EDN1: variants seen among roughly 807,000 people sequenced by gnomAD.
EDN1 encodes the protein endothelin 1, also known as endothelin-1.
A neutral mutation model predicts 21.7 loss-of-function variants in EDN1; 11 were observed. The observed-to-expected ratio is 0.51, with a 90% CI of 0.32 to 0.84. EDN1 has a LOEUF of 0.84. Among genes scored for constraint, EDN1 ranks in the 40% least tolerant of loss-of-function variants. EDN1 has a pLI of 0.03. For missense variants in EDN1, 244 were observed against 262.3 expected (o/e 0.93, Z 0.48); for synonymous variants, 85 against 90.6 (o/e 0.94, Z 0.35).
chr6:12,242,488 T>C, the EDN1 span, among the ~76,000 whole-genome samples: 1 of 151,784 alleles, frequency 6.6e-6, no homozygotes, highest in Non-Finnish European at 1.5e-5. Flanking sequence ...TGTGCCTCAG[T>C]CATTTCCTCT....
the EDN1 span, among the ~76,000 whole-genome samples, chr6:12,263,247 A>G: frequency 6.6e-6 from 1 of 152,248 alleles, no homozygotes; most frequent in South Asian, 2.1e-4. Context: ...CCAGATTTCT[A>G]GGTAGCTGCA....
At chr6:12,270,019 A>G in the EDN1 span, among the ~76,000 whole-genome samples, 1 of 151,928 alleles carries the variant, frequency 6.6e-6, no homozygotes, top group African/African-American at 2.4e-5. Flanking sequence ...CTGTTTCTTC[A>G]TAATTCAATT....
chr6:12,289,050 A>C (rs1355122183), upstream of EDN1, among the ~76,000 whole-genome samples: 1 of 152,172 alleles, frequency 6.6e-6, no homozygotes, highest in Non-Finnish European at 1.5e-5. Context: ...GGACTAGCGG[A>C]AAAAGCCAAT....
the EDN1 span, among the ~76,000 whole-genome samples, chr6:12,276,303 G>C: frequency 6.6e-6 from 1 of 152,108 alleles, no homozygotes; most frequent in African/African-American, 2.4e-5. Context: ...GAAAGAGAAA[G>C]GAACGATGTG....
upstream of EDN1, among the ~76,000 whole-genome samples, chr6:12,289,457 A>C (rs1178395577): frequency 1.3e-5 from 2 of 151,998 alleles, no homozygotes; most frequent in Non-Finnish European, 2.9e-5. Flanking sequence ...TTTTTCTGCC[A>C]TTTAGAAGGG....
chr6:12,290,761 T>A, intron 1 of EDN1, 68 bp downstream of exon 1: 1 of 1,359,642 alleles, frequency 7.4e-7, no homozygotes, highest in Non-Finnish European at 1.1e-6. Flanking sequence ...ACCTTCATGC[T>A]TTTCTTGCTT....
the EDN1 span, among the ~76,000 whole-genome samples, chr6:12,231,145 G>A: frequency 0.051 from 7,754 of 152,198 alleles, 664 homozygotes; most frequent in African/African-American, 0.18. Flanking sequence ...CCCAGAACTG[G>A]CTGTGAACTT....
Position 12,291,224 on chromosome 6 carries a change from C to A in EDN1, c.64+531C>A, listed in dbSNP as rs867088123. Among the ~76,000 whole-genome samples the A allele has an allele frequency of 1.5e-4, 15 of 100,940 alleles. 1 individual carries two copies. The highest frequency in any genetic ancestry group is 2.4e-4 in the Non-Finnish European group (10 of 42,452). 66.2% of individuals were successfully genotyped at this position (100,940 alleles called of 152,430 possible). A position where few individuals can be genotyped will look rare whatever the true frequency, so the allele number is the denominator to read the frequency against. On this transcript the variant is annotated intron_variant, in intron 1 of 4. Transcript: ENST00000379375. ...TGTTGACTAACTACCGCCTCCCCCC[C>A]CCCCCGCCACCACCCCCCGCAGGCG...
intron 1 of EDN1, among the ~76,000 whole-genome samples, chr6:12,291,466 T>A (rs1762681607): frequency 6.6e-6 from 1 of 152,322 alleles, no homozygotes; most frequent in South Asian, 2.1e-4. Context: ...CAGTGCACTT[T>A]TTTTGTCTTT....
chr6:12,237,457 A>AT, the EDN1 span, among the ~76,000 whole-genome samples: 3 of 152,188 alleles, frequency 2.0e-5, no homozygotes, highest in East Asian at 1.9e-4. Context: ...TAAACTTACA[A>AT]TTTTTTTATA....
At chr6:12,268,005 A>T in the EDN1 span, among the ~76,000 whole-genome samples, 2 of 152,330 alleles carry the variant, frequency 1.3e-5, no homozygotes, top group East Asian at 3.9e-4. Context: ...TATTTACAGC[A>T]TTATTTACTG....
At chr6:12,231,334 C>A in the EDN1 span, among the ~76,000 whole-genome samples, 1 of 152,092 alleles carries the variant, frequency 6.6e-6, no homozygotes, top group Non-Finnish European at 1.5e-5. Context: ...AAAGTCAAAT[C>A]CATGCTTAAC....
chr6:12,267,551 G>A, the EDN1 span, among the ~76,000 whole-genome samples: 1 of 152,210 alleles, frequency 6.6e-6, no homozygotes, highest in Non-Finnish European at 1.5e-5. Flanking sequence ...TGAGAGAGGT[G>A]AGGAAGCTGC....
upstream of EDN1, among the ~76,000 whole-genome samples, chr6:12,285,756 C>T (rs1396729265): frequency 6.6e-6 from 1 of 152,078 alleles, no homozygotes; most frequent in Non-Finnish European, 1.5e-5. Flanking sequence ...TTTTAGTAGA[C>T]ATGGGATTTC....
intron 2 of EDN1, 91 bp downstream of exon 2, chr6:12,292,600 G>A: frequency 1.4e-6 from 2 of 1,452,586 alleles, no homozygotes; most frequent in Admixed American, 1.7e-5. Flanking sequence ...TAGGGACTCT[G>A]AAGGTAGTCC....
At chr6:12,231,524 T>C in the EDN1 span, among the ~76,000 whole-genome samples, 6 of 152,208 alleles carry the variant, frequency 3.9e-5, no homozygotes, top group African/African-American at 1.4e-4. Context: ...TAAATAGTAA[T>C]TTGACTTCTA....
At chr6:12,254,974 C>T in the EDN1 span, among the ~76,000 whole-genome samples, 1 of 152,096 alleles carries the variant, frequency 6.6e-6, no homozygotes, top group African/African-American at 2.4e-5. Context: ...AAAAAGTACT[C>T]AATAATTACT....
At chr6:12,246,297 G>C in the EDN1 span, among the ~76,000 whole-genome samples, 2 of 152,148 alleles carry the variant, frequency 1.3e-5, no homozygotes, top group Admixed American at 1.3e-4. Flanking sequence ...GCCTCTTAGG[G>C]CCCAAGAGAT....
chr6:12,246,651 C>CT, the EDN1 span, among the ~76,000 whole-genome samples: 123,759 of 149,500 alleles, frequency 0.83, 51,442 homozygotes, highest in East Asian at 0.95. Context: ...AATCGTTTGC[C>CT]TTTTTTTTTC....
Sources: allele counts gnomAD v4.1 joint callset (sites outside exome capture counted in the v4.1 genomes callset), GRCh38; gene constraint gnomAD v4.1.1; transcripts MANE v1.5; gene names NCBI Gene and HGNC (gene_info 2026-07-23, HGNC 2026-07-21).